The following GFRA3 variants were observed in gnomAD, a reference collection of about 807,000 sequenced individuals.
GFRA3 encodes GDNF family receptor alpha-3.
A neutral mutation model predicts 40.0 loss-of-function variants in GFRA3; 24 were observed. The observed-to-expected ratio is 0.60, with a 90% CI of 0.43 to 0.84. The LOEUF (loss-of-function observed/expected upper bound fraction) is 0.84. Among genes scored for constraint, GFRA3 ranks in the 40% least tolerant of loss-of-function variants. The probability of loss-of-function intolerance (pLI) is 0.00; values close to 1 mark genes in which losing one functional copy is unlikely to be tolerated. For missense variants in GFRA3, 405 were observed against 530.6 expected, an observed-to-expected ratio of 0.76 and a Z score of 2.33; for synonymous variants, 203 against 213.5, an observed-to-expected ratio of 0.95 and a Z score of 0.43.
Position 138,264,547 on chromosome 5 carries a change from T to G in GFRA3, c.93A>C (p.Gly31=), listed in dbSNP as rs1755755223. ...GTCGGCTTTCTGTGGGAAGGGGGTC[T>G]CCTGTAAAGGGAGATACCAGGTGAG... is the stretch of plus-strand genomic sequence containing the variant. The part of the protein sequence containing the change: ...LPPSPLPLAA[G]DPLPTESRLM... Residue 31 remains glycine (G), a splice_region_variant and synonymous_variant, in exon 2 of 8, where the codon GGA becomes GGC. Transcript: ENST00000274721. 1.3e-6 allele frequency: 2 copies of G among 1,596,314 alleles called. No individual in the cohort carries two copies. The highest frequency in any genetic ancestry group is 2.7e-5 in the African/African-American group (2 of 74,532).
In GFRA3 at chr5:138,264,269, C is replaced by T. The variant is rs754420719; in HGVS notation, c.371G>A (p.Arg124His). 39 of 1,593,600 alleles carry T rather than the reference C, an allele frequency of 2.4e-5. No individual in the cohort carries two copies. The highest frequency in any genetic ancestry group is 3.0e-5 in the Non-Finnish European group (35 of 1,164,460). ...LDIYWTVHRA[R>H]SLGNYELDVS... ...TATAATGGGAGCCTCACCAAGGCTG[C>T]GGGCACGGTGAACGGTCCAATAGAT... The change falls in exon 2 of 8, where the codon CGC becomes CAC. Residue 124 changes from arginine to histidine, a missense_variant. Transcript: ENST00000274721.
intron 1 of GFRA3, among the ~76,000 whole-genome samples, chr5:138,266,588 G>A (rs907546563): frequency 1.3e-5 from 2 of 152,194 alleles, no homozygotes; most frequent in Admixed American, 1.3e-4. Context: ...CCAGATAAAG[G>A]AATAGAACAT....
chr5:138,257,345 G>A (rs1176149463), intron 4 of GFRA3, among the ~76,000 whole-genome samples: 1 of 152,172 alleles, frequency 6.6e-6, no homozygotes, highest in African/African-American at 2.4e-5. Flanking sequence ...GATAGAAAAT[G>A]ACTGGAAGGA....
At position 138,253,375 on chromosome 5, in the gene GFRA3, G is replaced by A. The variant is rs767076778; in HGVS notation, c.1025C>T (p.Thr342Met). The change falls in exon 7 of 8, where the codon ACG becomes ATG. Residue 342 changes from threonine to methionine, a missense_variant and splice_region_variant. Coordinates refer to ENST00000274721, the MANE Select transcript of GFRA3 (RefSeq NM_001496.4). ...ACGCATCTTAGCTGCAATGGCCTCC[G>A]CTGAAGAGAGGAGAGAAGGCTCATT... Reference protein sequence around the residue: ...EGFFSHNPCLTEAIAAKMRFH... With the variant: ...EGFFSHNPCLMEAIAAKMRFH... The A allele has an allele frequency of 1.4e-5, 22 of 1,573,092 alleles. No individual in the cohort carries two copies. The highest frequency in any genetic ancestry group is 2.3e-5 in the South Asian group (2 of 86,992).
At chr5:138,267,956 G>A (rs1230568716) in intron 1 of GFRA3, among the ~76,000 whole-genome samples, 2 of 152,092 alleles carry the variant, frequency 1.3e-5, no homozygotes, top group African/African-American at 4.8e-5. Context: ...ATGAAACTGG[G>A]TCCTCATCTC....
rs60958894 is a variant in GFRA3, at chr5:138,268,284, G to GA, written c.92-3737dup. ...TGGGCAGCAGGGTGAGACTCCATCT[G>GA]AAAAAAAAAAAAAAAAAGAAATCTA... On this transcript the variant is annotated intron_variant, in intron 1 of 7. Transcript: ENST00000274721. 9.7e-4 allele frequency among the ~76,000 whole-genome samples: 32 copies of GA among 33,150 alleles called. 2 individuals carry two copies. Among genetic ancestry groups the GA allele is most frequent in the Admixed American group, 4.3e-3 (7 of 1,634 alleles). 21.7% of individuals were successfully genotyped at this position (33,150 alleles called of 152,430 possible).
At chr5:138,270,205 C>CAAAAAAAA (rs34014240) in intron 1 of GFRA3, among the ~76,000 whole-genome samples, 7 of 72,468 alleles carry the variant, frequency 9.7e-5, no homozygotes, top group Admixed American at 1.6e-4. Context: ...ACTAAAAATA[C>CAAAAAAAA]AAAAAAAAAA....
chr5:138,274,068 G>C (rs768085464), intron 1 of GFRA3, among the ~76,000 whole-genome samples: 1 of 152,184 alleles, frequency 6.6e-6, no homozygotes, highest in African/African-American at 2.4e-5. Flanking sequence ...CCTCAAAAGA[G>C]GGAAGAGGGG....
chr5:138,255,006 G>GA (rs1428947014), intron 4 of GFRA3, among the ~76,000 whole-genome samples: 2 of 136,182 alleles, frequency 1.5e-5, no homozygotes, highest in African/African-American at 5.1e-5. Context: ...GAGAAGAGAA[G>GA]GAAGGAAGGA....
chr5:138,266,844 G>A (rs1755792517), intron 1 of GFRA3, among the ~76,000 whole-genome samples: 1 of 152,068 alleles, frequency 6.6e-6, no homozygotes, highest in Admixed American at 6.6e-5. Context: ...ACAATGCTCA[G>A]CTAATTTTTG....
At chr5:138,255,914 AAG>A (rs1755620158) in intron 4 of GFRA3, among the ~76,000 whole-genome samples, 2 of 148,864 alleles carry the variant, frequency 1.3e-5, no homozygotes, top group East Asian at 2.0e-4. Flanking sequence ...AAAAAAAAAA[AAG>A]AAGAAGAAGA....
chr5:138,252,895 C>T lies in GFRA3; in HGVS notation c.*73G>A. The T allele has an allele frequency of 1.2e-6, 1 of 828,468 alleles. No homozygotes were observed. Among genetic ancestry groups the T allele is most frequent in the Non-Finnish European group, 2.1e-6 (1 of 481,178 alleles). The allele number at this position is 828,468 out of a possible 1,614,324, so 51.3% of individuals were successfully genotyped here. ...ACTGCACCTCCTTCCTGCTGCTGTC[C>T]TTTCCTCACCCCTTGTGGGCTGCAA... On this transcript the variant is annotated 3_prime_UTR_variant, in exon 8 of 8. Transcript: ENST00000274721.
Position 138,257,905 on chromosome 5 carries a change from G to C in GFRA3, c.519C>G (p.Asp173Glu), listed in dbSNP as rs145220317. Residue 173 changes from aspartate to glutamate, a missense_variant, in exon 4 of 8, where the codon GAC becomes GAG. Physicochemically the swap from Asp to Glu is conservative, Grantham distance 45 (BLOSUM62 2). Transcript: ENST00000274721. ...AGGCCTTGCGCAGCCGGTCACACTTGTCATTGAGAGTACACAGCATGGCAA... is the reference window on the plus strand; with the variant it reads ...AGGCCTTGCGCAGCCGGTCACACTTCTCATTGAGAGTACACAGCATGGCAA... ...LKFAMLCTLN[D>E]KCDRLRKAYG... The C allele has an allele frequency of 1.7e-5, 27 of 1,613,996 alleles. No individual in the cohort carries two copies. The highest frequency in any genetic ancestry group is 2.2e-5 in the Non-Finnish European group (26 of 1,179,990).
At chr5:138,270,879 A>AAGATTG (rs558474475) in intron 1 of GFRA3, among the ~76,000 whole-genome samples, 2,298 of 152,328 alleles carry the variant, frequency 0.015, 36 homozygotes, top group Middle Eastern at 0.044. Context: ...TGGATTTAAA[A>AAGATTG]AGATTGAGGA....
At chr5:138,256,135 G>A (rs1020945203) in intron 4 of GFRA3, among the ~76,000 whole-genome samples, 1 of 151,542 alleles carries the variant, frequency 6.6e-6, no homozygotes, top group Non-Finnish European at 1.5e-5. Flanking sequence ...GGAGGCTGAG[G>A]GGGGAGTATC....
intron 1 of GFRA3, among the ~76,000 whole-genome samples, chr5:138,266,485 G>A (rs1755786868): frequency 6.6e-6 from 1 of 152,072 alleles, no homozygotes; most frequent in Admixed American, 6.6e-5. Context: ...TGGAAATAAA[G>A]TTTTTGTTGA....
At chr5:138,273,366 C>T (rs1443140014) in intron 1 of GFRA3, among the ~76,000 whole-genome samples, 1 of 152,182 alleles carries the variant, frequency 6.6e-6, no homozygotes, top group Non-Finnish European at 1.5e-5. Context: ...TTCATTAAAC[C>T]ATTTAATGAG....
rs1487516905 is a variant in GFRA3 at position 138,259,594 on chromosome 5, C to T, written c.435G>A (p.Trp145Ter). The T allele has an allele frequency of 6.4e-7, 1 of 1,573,602 alleles. No individual in the cohort carries two copies. The highest frequency in any genetic ancestry group is 8.7e-7 in the Non-Finnish European group (1 of 1,143,142). Residue 145 changes from tryptophan (W) to a stop codon, truncating the protein, a stop_gained, in exon 3 of 8, where the codon TGG becomes TGA. Coordinates refer to ENST00000274721, the MANE Select transcript of GFRA3 (RefSeq NM_001496.4). LOFTEE classifies it high-confidence loss of function. ...PYEDTVTSKP[W>*]KMNLSKLNML... ...TGTTCAGTTTGCTGAGATTCATTTT[C>T]CAGGGTTTGCTGGTCACTGTGTCTT...
Position 138,253,875 on chromosome 5 carries a change from G to A in GFRA3, c.915C>T (p.Val305=). 6.2e-7 allele frequency: 1 copy of A among 1,614,052 alleles called. No homozygotes were observed. The highest frequency in any genetic ancestry group is 8.5e-7 in the Non-Finnish European group (1 of 1,179,946). ...LIGTAMTPNF[V]SNVNTSVALS... ...AGGCAACACTGGTGTTGACATTGCT[G>A]ACAAAGTTGGGGGTCATGGCAGTCC... Residue 305 remains valine (V), a synonymous_variant, in exon 6 of 8, where the codon GTC becomes GTT. Transcript: ENST00000274721.
Sources: gnomAD v4.1 joint callset for allele counts (sites outside exome capture counted in the v4.1 genomes callset) on GRCh38, gnomAD v4.1.1 for gene constraint, MANE v1.5 for transcripts, NCBI Gene and HGNC (gene_info 2026-07-23, HGNC 2026-07-21) for gene names.